Variants in ATP8A2 observed in about 807,000 individuals in gnomAD.
ATP8A2 encodes the protein ATPase phospholipid transporting 8A2.
In ATP8A2, 100 loss-of-function variants were observed where a neutral mutation model predicts 165.6. The observed-to-expected ratio is 0.60, with a 90% CI of 0.51 to 0.71. ATP8A2 has a LOEUF of 0.71. Among genes scored for constraint, ATP8A2 ranks in the 30% least tolerant of loss-of-function variants. ATP8A2 has a pLI of 0.00. For synonymous variants in ATP8A2, 543 were observed against 548.8 expected, an observed-to-expected ratio of 0.99 and a Z score of 0.15; for missense variants, 1,227 against 1,479.5, an observed-to-expected ratio of 0.83 and a Z score of 2.80.
intron 25 of ATP8A2, among the ~76,000 whole-genome samples, chr13:25,760,833 A>C (rs1442797557): frequency 6.6e-6 from 1 of 152,206 alleles, no homozygotes; most frequent in South Asian, 2.1e-4. Context: ...GTTATAAAGA[A>C]TCTCTTTTGG....
At chr13:25,936,807 A>G (rs1435038990) in intron 33 of ATP8A2, among the ~76,000 whole-genome samples, 2 of 152,148 alleles carry the variant, frequency 1.3e-5, no homozygotes, top group Non-Finnish European at 2.9e-5. Context: ...TTTCTTTGTC[A>G]AGCTGCTCCA....
rs375834703 is a variant in ATP8A2 at position 25,879,334 on chromosome 13, G to T, written c.3183+16926G>T. ...CTGGCCTTGACCTTAGAAGTTCAGG[G>T]CTGTAACCTAAACATGCTAAACTTT... On this transcript the variant is annotated intron_variant, in intron 33 of 36. Coordinates refer to ENST00000381655, the MANE Select transcript of ATP8A2 (RefSeq NM_016529.6). 1.1e-4 allele frequency among the ~76,000 whole-genome samples: 16 copies of T among 152,322 alleles called. 1 individual carries two copies. The highest frequency in any genetic ancestry group is 3.8e-4 in the African/African-American group (16 of 41,568).
At chr13:25,473,910 GTGC>G (rs2035917819) in intron 2 of ATP8A2, among the ~76,000 whole-genome samples, 2 of 152,130 alleles carry the variant, frequency 1.3e-5, no homozygotes, top group South Asian at 4.1e-4. Context: ...TTGAAATAAT[GTGC>G]TGATCAAAGG....
At chr13:25,620,994 G>A (rs142636585) in intron 24 of ATP8A2, among the ~76,000 whole-genome samples, 116 of 152,282 alleles carry the variant, frequency 7.6e-4, no homozygotes, top group Admixed American at 2.4e-3. Flanking sequence ...AAGTGGAGTA[G>A]TGGGTGATTG....
At chr13:25,533,442 G>C (rs2137937540) in intron 6 of ATP8A2, 129 bp downstream of exon 6, 1 of 561,850 alleles carries the variant, frequency 1.8e-6, no homozygotes, top group East Asian at 3.1e-5. Context: ...GCTGAGACCT[G>C]ATGCGTGTTT....
intron 33 of ATP8A2, among the ~76,000 whole-genome samples, chr13:25,889,856 C>G (rs1440353724): frequency 6.6e-6 from 1 of 152,054 alleles, no homozygotes; most frequent in Non-Finnish European, 1.5e-5. Context: ...TTTTTTAACA[C>G]TTTTTAAACT....
chr13:25,538,179 A>G, intron 7 of ATP8A2, 118 bp downstream of exon 7: 1 of 606,342 alleles, frequency 1.6e-6, no homozygotes, highest in Non-Finnish European at 2.9e-6. Context: ...TCTCTGTCCC[A>G]TTCTTCCATT....
intron 30 of ATP8A2, among the ~76,000 whole-genome samples, chr13:25,854,508 A>T (rs1952099870): frequency 6.6e-6 from 1 of 152,098 alleles, no homozygotes; most frequent in Non-Finnish European, 1.5e-5. Flanking sequence ...AAATTTGTTC[A>T]TAGAGATAGG....
At chr13:25,982,100 T>C (rs1956180377) in intron 35 of ATP8A2, among the ~76,000 whole-genome samples, 1 of 152,212 alleles carries the variant, frequency 6.6e-6, no homozygotes, top group Non-Finnish European at 1.5e-5. Flanking sequence ...AGAATGATGG[T>C]GGTTTTGTTT....
chr13:25,465,243 T>G (rs944176068), intron 1 of ATP8A2, among the ~76,000 whole-genome samples: 2 of 152,332 alleles, frequency 1.3e-5, no homozygotes, highest in Non-Finnish European at 2.9e-5. Context: ...AAATTTTTTT[T>G]GAAAATTTTT....
chr13:25,731,965 A>G (rs1028339350), intron 25 of ATP8A2, among the ~76,000 whole-genome samples: 1 of 152,234 alleles, frequency 6.6e-6, no homozygotes, highest in Non-Finnish European at 1.5e-5. Context: ...GACTGCTTCC[A>G]TAGGTGGGCA....
intron 1 of ATP8A2, among the ~76,000 whole-genome samples, chr13:25,408,273 G>C (rs2033866149): frequency 6.6e-6 from 1 of 151,958 alleles, no homozygotes; most frequent in Non-Finnish European, 1.5e-5. Context: ...CCCGCCTGTA[G>C]TCCTAGCTAC....
At chr13:25,916,406 AAGAC>A (rs1954267585) in intron 33 of ATP8A2, among the ~76,000 whole-genome samples, 1 of 152,198 alleles carries the variant, frequency 6.6e-6, no homozygotes, top group African/African-American at 2.4e-5. Context: ...CATTCCAAAG[AAGAC>A]AGACAGTCCC....
intron 1 of ATP8A2, among the ~76,000 whole-genome samples, chr13:25,420,242 A>T (rs1358625252): frequency 4.6e-5 from 7 of 152,172 alleles, no homozygotes; most frequent in African/African-American, 1.4e-4. Flanking sequence ...GTATTTTTTT[A>T]AAAAACCACT....
rs80100021 is a variant in ATP8A2 at position 25,923,053 on chromosome 13, G to A, written c.3184-38522G>A. ...AGTGGGGTTAAATAGAACCAGACCT[G>A]GCCACCCTGTTTACTTTAGAAAGCA... On this transcript the variant is annotated intron_variant, in intron 33 of 36. Coordinates refer to ENST00000381655, the MANE Select transcript of ATP8A2 (RefSeq NM_016529.6). Among the ~76,000 whole-genome samples the A allele has an allele frequency of 2.8e-3, 428 of 152,240 alleles. 2 individuals carry two copies. The highest frequency in any genetic ancestry group is 5.1e-3 in the Non-Finnish European group (344 of 68,010).
intron 28 of ATP8A2, among the ~76,000 whole-genome samples, chr13:25,834,832 G>A (rs1264902523): frequency 6.6e-6 from 1 of 152,068 alleles, no homozygotes; most frequent in Non-Finnish European, 1.5e-5. Flanking sequence ...ACACTCTCTT[G>A]GTGTGTTCTG....
chr13:25,407,363 T>C (rs1471075381), intron 1 of ATP8A2, among the ~76,000 whole-genome samples: 1 of 152,172 alleles, frequency 6.6e-6, no homozygotes, highest in African/African-American at 2.4e-5. Context: ...CCTTCCTCAC[T>C]AGTAAAAGTT....
chr13:25,457,347 T>A (rs2035391365), intron 1 of ATP8A2, among the ~76,000 whole-genome samples: 2 of 152,216 alleles, frequency 1.3e-5, no homozygotes, highest in South Asian at 4.1e-4. Context: ...AATGCCACTC[T>A]CATTTATATA....
At chr13:25,681,798 A>G (rs773472384) in intron 24 of ATP8A2, among the ~76,000 whole-genome samples, 2 of 152,210 alleles carry the variant, frequency 1.3e-5, no homozygotes, top group African/African-American at 2.4e-5. Flanking sequence ...TGTGAAAATG[A>G]TCATCTTAGA....
Sources: allele counts gnomAD v4.1 joint callset (sites outside exome capture counted in the v4.1 genomes callset), GRCh38; gene constraint gnomAD v4.1.1; transcripts MANE v1.5; gene names NCBI Gene and HGNC (gene_info 2026-07-23, HGNC 2026-07-21).